The following SEPSECS variants were observed in gnomAD, a reference collection of about 807,000 sequenced individuals.
SEPSECS encodes Sep (O-phosphoserine) tRNA:Sec (selenocysteine) tRNA synthase.
In SEPSECS, 42 loss-of-function variants were observed where a neutral mutation model predicts 52.1. The observed-to-expected ratio is 0.81, with a 90% CI of 0.63 to 1.04. SEPSECS has a LOEUF of 1.04. SEPSECS is among the 50% of genes least tolerant of loss of function. The pLI is 0.00. For synonymous variants in SEPSECS, 216 were observed against 211.4 expected (o/e 1.02, Z -0.19); for missense variants, 590 against 610.6 (o/e 0.97, Z 0.36).
chr4:25,144,254 G>C, intron 8 of SEPSECS, among the ~76,000 whole-genome samples: 1 of 150,468 alleles, frequency 6.6e-6, no homozygotes, highest in African/African-American at 2.4e-5. Context: ...GCAGAAGAAT[G>C]GTTTGAACCT....
intron 6 of SEPSECS, among the ~76,000 whole-genome samples, chr4:25,146,864 C>T (rs1711993717): frequency 6.6e-6 from 1 of 152,200 alleles, no homozygotes; most frequent in African/African-American, 2.4e-5. Flanking sequence ...ACCAAAAAAT[C>T]TCATATGGGT....
chr4:25,144,078 C>T (rs932024483), intron 8 of SEPSECS, among the ~76,000 whole-genome samples: 1 of 151,960 alleles, frequency 6.6e-6, no homozygotes, highest in African/African-American at 2.4e-5. Context: ...TGGTGGGTAA[C>T]GTCTGTAATC....
chr4:25,145,518 A>G (rs1212321570), intron 6 of SEPSECS, among the ~76,000 whole-genome samples: 2 of 152,216 alleles, frequency 1.3e-5, no homozygotes, highest in African/African-American at 4.8e-5. Context: ...TTTAATCTTC[A>G]TAACAACTCT....
chr4:25,124,284 C>T, intron 10 of SEPSECS, 59 bp from the exon 11 acceptor site: 1 of 1,507,926 alleles, frequency 6.6e-7, no homozygotes, highest in East Asian at 2.3e-5. Context: ...CAATGTCACC[C>T]ATAAACAAAA....
rs116630347 is a variant in SEPSECS, at chr4:25,154,752, C to T, written c.701+246G>A. Reference sequence around the variant, plus strand: ...AGGACAAAGAGCAAGAAAACAGAGACGGTCTGCATCGACTCAGGTGATAAA... The same window carrying T: ...AGGACAAAGAGCAAGAAAACAGAGATGGTCTGCATCGACTCAGGTGATAAA... On this transcript the variant is annotated intron_variant, in intron 5 of 10. Transcript: ENST00000382103. 9.6e-3 allele frequency among the ~76,000 whole-genome samples: 1,457 copies of T among 152,188 alleles called. 26 individuals are homozygous for T. The highest frequency in any genetic ancestry group is 0.033 in the African/African-American group (1,370 of 41,524).
intron 8 of SEPSECS, among the ~76,000 whole-genome samples, chr4:25,133,988 C>T (rs376005895): frequency 3.3e-4 from 49 of 150,604 alleles, no homozygotes; most frequent in East Asian, 2.9e-3. Flanking sequence ...ACTGGCATGG[C>T]GGCATGCACC....
chr4:25,127,416 A>AATCT, intron 8 of SEPSECS, 59 bp from the exon 9 acceptor site: 1 of 1,270,256 alleles, frequency 7.9e-7, no homozygotes, highest in Non-Finnish European at 1.1e-6. Flanking sequence ...AGATTTAATA[A>AATCT]GACAAAAATC....
At chr4:25,132,575 A>C (rs1728653984) in intron 8 of SEPSECS, among the ~76,000 whole-genome samples, 1 of 152,246 alleles carries the variant, frequency 6.6e-6, no homozygotes, top group Non-Finnish European at 1.5e-5. Context: ...AAACCTGCCT[A>C]CTAAATGAAG....
In SEPSECS at chr4:25,156,841, T is replaced by A. The variant is rs201545306; in HGVS notation, c.388+15A>T. ...TCCAGACAGCCAAAAGCATTATGATTAAGACGGTACATACCAGCCAGCTTT... is the reference window on the plus strand; with the variant it reads ...TCCAGACAGCCAAAAGCATTATGATAAAGACGGTACATACCAGCCAGCTTT... On this transcript the variant is annotated intron_variant, in intron 3 of 10. Transcript: ENST00000382103. The A allele has an allele frequency of 7.5e-7, 1 of 1,335,734 alleles. No homozygotes were observed. The highest frequency in any genetic ancestry group is 2.3e-5 in the East Asian group (1 of 43,446). The allele number at this position is 1,335,734 out of a possible 1,614,324, so 82.7% of individuals were successfully genotyped here.
intron 8 of SEPSECS, among the ~76,000 whole-genome samples, chr4:25,137,385 C>T (rs996002038): frequency 1.3e-5 from 2 of 152,056 alleles, no homozygotes; most frequent in African/African-American, 4.8e-5. Flanking sequence ...ATCAAACAAC[C>T]CCATAAAAAA....
intron 10 of SEPSECS, 91 bp from the exon 11 acceptor site, chr4:25,124,316 C>T: frequency 8.2e-7 from 1 of 1,226,176 alleles, no homozygotes; most frequent in Non-Finnish European, 1.2e-6. Context: ...CAAAGCCTTA[C>T]ATCCACTTAT....
At chr4:25,133,243 C>T (rs1422277615) in intron 8 of SEPSECS, among the ~76,000 whole-genome samples, 2 of 152,142 alleles carry the variant, frequency 1.3e-5, no homozygotes, top group East Asian at 1.9e-4. Context: ...GTTTATTCTA[C>T]TCTACTCTAT....
At chr4:25,128,789 T>TA (rs1286725166) in intron 8 of SEPSECS, among the ~76,000 whole-genome samples, 5 of 151,890 alleles carry the variant, frequency 3.3e-5, no homozygotes, top group Admixed American at 2.0e-4. Flanking sequence ...AGCCAGGGGC[T>TA]AACAGAGTAC....
Position 25,152,069 on chromosome 4 carries a change from A to T in SEPSECS, c.702-7T>A. 7.0e-7 allele frequency: 1 copy of T among 1,434,646 alleles called. No homozygotes were observed. The highest frequency in any genetic ancestry group is 9.8e-7 in the Non-Finnish European group (1 of 1,016,686). The allele number at this position is 1,434,646 out of a possible 1,614,324, so 88.9% of individuals were successfully genotyped here. On this transcript the variant is annotated splice_region_variant and splice_polypyrimidine_tract_variant and intron_variant, in intron 5 of 10. Transcript: ENST00000382103. ...CACAGCCAGTTCTTCTAATCTATAA[A>T]CATAAATATTCAATAGAAAGACATA...
intron 2 of SEPSECS, 67 bp downstream of exon 2, chr4:25,158,886 T>G: frequency 7.0e-7 from 1 of 1,426,806 alleles, no homozygotes; most frequent in Non-Finnish European, 9.9e-7. Flanking sequence ...AGATAAATAC[T>G]GCTGCCATTA....
intron 6 of SEPSECS, among the ~76,000 whole-genome samples, chr4:25,150,899 C>T (rs912019654): frequency 2.3e-4 from 35 of 151,844 alleles, no homozygotes; most frequent in African/African-American, 7.7e-4. Context: ...CCCAGCTACC[C>T]GGGAGGCTGA....
At chr4:25,146,322 G>A (rs1183743484) in intron 6 of SEPSECS, among the ~76,000 whole-genome samples, 4 of 152,182 alleles carry the variant, frequency 2.6e-5, no homozygotes, top group African/African-American at 4.8e-5. Flanking sequence ...GCCGAAGCAG[G>A]GAAGAGGAGC....
chr4:25,156,581 A>G (rs1211633130), intron 3 of SEPSECS, among the ~76,000 whole-genome samples: 4 of 151,272 alleles, frequency 2.6e-5, no homozygotes, highest in East Asian at 3.9e-4. Flanking sequence ...GGCGGTGGGC[A>G]CCTGTAGTCC....
rs1256598588 is a variant in SEPSECS at position 25,145,112 on chromosome 4, C to G, written c.826G>C (p.Asp276His). Residue 276 changes from aspartate to histidine, a missense_variant, in exon 7 of 11, where the codon GAT becomes CAT. Asp to His is a moderately conservative substitution (Grantham distance 81, BLOSUM62 -1). Transcript: ENST00000382103. ...TTGTCCAAGCTCTGAACAAAAGCATCTATTCTACCAACTCGAGCCCCCTGG... is the reference window on the plus strand; with the variant it reads ...TTGTCCAAGCTCTGAACAAAAGCATGTATTCTACCAACTCGAGCCCCCTGG... ...IQQGARVGRI[D>H]AFVQSLDKNF... The G allele has an allele frequency of 6.2e-7, 1 of 1,613,938 alleles. No individual in the cohort carries two copies.
Sources: gnomAD v4.1 joint callset for allele counts (sites outside exome capture counted in the v4.1 genomes callset) on GRCh38, gnomAD v4.1.1 for gene constraint, MANE v1.5 for transcripts, NCBI Gene and HGNC (gene_info 2026-07-23, HGNC 2026-07-21) for gene names.